Variants in ALG12 observed in about 807,000 individuals in gnomAD.
ALG12 encodes the protein ALG12 alpha-1,6-mannosyltransferase, also known as dol-P-Man:Man(7)GlcNAc(2)-PP-Dol alpha-1,6-mannosyltransferase.
A neutral mutation model predicts 46.0 loss-of-function variants in ALG12; 36 were observed. The ratio of observed to expected loss-of-function variants is 0.78; its 90% CI spans 0.60 to 1.03. The LOEUF is 1.03. ALG12 is among the 50% of genes least tolerant of loss of function. The pLI is 0.00. For synonymous variants in ALG12, 326 were observed against 291.6 expected, an observed-to-expected ratio of 1.12 and a Z score of -1.20; for missense variants, 599 against 633.5, an observed-to-expected ratio of 0.95 and a Z score of 0.58.
Position 49,910,605 on chromosome 22 carries a change from T to C in ALG12, c.298A>G (p.Arg100Gly), listed in dbSNP as rs750150667. The C allele has an allele frequency of 6.2e-7, 1 of 1,614,078 alleles. No individual in the cohort carries two copies. The highest frequency in any genetic ancestry group is 8.5e-7 in the Non-Finnish European group (1 of 1,180,040). ...MSKFYSQLIVRGVLGLGVIFG... is the reference protein window; with the variant it reads ...MSKFYSQLIVGGVLGLGVIFG... ...ATCACGCCGAGTCCAAGCACTCCTC[T>C]AACTAAACAAAGACAGTGACAGCAC... The change falls in exon 4 of 10, where the codon AGA (arginine) becomes GGA (glycine). Residue 100 changes from arginine (R) to glycine (G), a missense_variant and splice_region_variant. Transcript: ENST00000330817.
the ALG12 span, chr22:49,885,423 C>A: frequency 6.2e-7 from 1 of 1,608,782 alleles, no homozygotes; most frequent in Non-Finnish European, 8.5e-7. Flanking sequence ...GGACCATCAG[C>A]CGGGGGAAGA....
the ALG12 span, among the ~76,000 whole-genome samples, chr22:49,870,665 T>C: frequency 6.6e-6 from 1 of 152,170 alleles, no homozygotes; most frequent in African/African-American, 2.4e-5. Context: ...TGCTTTTTAA[T>C]GGGGTTATTT....
chr22:49,895,450 G>A (rs972013540), downstream of ALG12, among the ~76,000 whole-genome samples: 6 of 152,132 alleles, frequency 3.9e-5, no homozygotes, highest in South Asian at 2.1e-4. Context: ...TCAGGAGTTC[G>A]AGACCAGCCT....
the ALG12 span, chr22:49,887,402 C>T: frequency 3.8e-5 from 17 of 445,470 alleles, no homozygotes; most frequent in Non-Finnish European, 3.3e-5. Context: ...ATAGCTTGTC[C>T]TGTCAACTAT....
At chr22:49,866,668 G>A in the ALG12 span, among the ~76,000 whole-genome samples, 11 of 152,084 alleles carry the variant, frequency 7.2e-5, no homozygotes, top group Non-Finnish European at 1.5e-4. Context: ...AGCATATTTC[G>A]TTATCTGCAG....
chr22:49,885,627 C>A, the ALG12 span: 1 of 1,610,726 alleles, frequency 6.2e-7, no homozygotes, highest in Non-Finnish European at 8.5e-7. Context: ...ACCCAGTTGC[C>A]AAAAAAATCA....
At chr22:49,864,953 G>GCCCCGCCA in the ALG12 span, among the ~76,000 whole-genome samples, 13 of 9,120 alleles carry the variant, frequency 1.4e-3, 1 homozygote, top group Admixed American at 3.7e-3. Context: ...CCCCCCCCCC[G>GCCCCGCCA]TGAAGTCAGA....
At chr22:49,875,620 C>T in the ALG12 span, among the ~76,000 whole-genome samples, 1 of 151,944 alleles carries the variant, frequency 6.6e-6, no homozygotes, top group African/African-American at 2.4e-5. Context: ...AGGGTTTCAC[C>T]ATGTTGGCCA....
chr22:49,861,969 G>A, the ALG12 span, among the ~76,000 whole-genome samples: 1 of 152,190 alleles, frequency 6.6e-6, no homozygotes, highest in Non-Finnish European at 1.5e-5. Flanking sequence ...CCTGCACCCT[G>A]TCAGCACTGT....
At chr22:49,897,455 G>A (rs1435970058), downstream of ALG12, among the ~76,000 whole-genome samples, 4 of 152,154 alleles carry the variant, frequency 2.6e-5, no homozygotes, top group African/African-American at 9.7e-5. Flanking sequence ...CAATGAATGA[G>A]TTCCTGTTGC....
chr22:49,911,954 G>A (rs2060578966), intron 3 of ALG12, among the ~76,000 whole-genome samples: 1 of 138,308 alleles, frequency 7.2e-6, no homozygotes, highest in South Asian at 2.3e-4. Flanking sequence ...GCCCAACAAG[G>A]GTAGCCTCGG....
At chr22:49,908,875 C>T (rs564316845) in intron 6 of ALG12, among the ~76,000 whole-genome samples, 60 of 149,494 alleles carry the variant, frequency 4.0e-4, no homozygotes, top group African/African-American at 1.3e-3. Flanking sequence ...TTGCTTGAAC[C>T]AGGGAGGTGG....
chr22:49,886,804 A>G, the ALG12 span: 2 of 1,613,042 alleles, frequency 1.2e-6, no homozygotes, highest in African/African-American at 1.3e-5. The surrounding 1 kb of genome is among the most constrained non-coding windows in gnomAD (Gnocchi z 7.7). Context: ...TGCCTCCCAC[A>G]GGTGTGATGC....
chr22:49,884,344 T>A, the ALG12 span: 5 of 1,613,464 alleles, frequency 3.1e-6, no homozygotes, highest in Non-Finnish European at 4.2e-6. Context: ...GGAGTCTGTG[T>A]CTGTAGTTTC....
downstream of ALG12, among the ~76,000 whole-genome samples, chr22:49,895,247 T>A (rs2060479496): frequency 6.6e-6 from 1 of 152,224 alleles, no homozygotes; most frequent in Non-Finnish European, 1.5e-5. Context: ...AGTCTTCCCA[T>A]CCTCCTGCTC....
At chr22:49,877,503 G>A in the ALG12 span, among the ~76,000 whole-genome samples, 1 of 152,128 alleles carries the variant, frequency 6.6e-6, no homozygotes, top group South Asian at 2.1e-4. Context: ...TGTTGGCCAG[G>A]CTGGTCTTGA....
At chr22:49,909,714 G>A (rs952777889) in intron 5 of ALG12, among the ~76,000 whole-genome samples, 180 bp downstream of exon 5, 3 of 152,242 alleles carry the variant, frequency 2.0e-5, no homozygotes, top group Non-Finnish European at 2.9e-5. Flanking sequence ...CTCCTAAGGC[G>A]CACGGTGGGT....
rs2060533596 is a variant in ALG12 at position 49,904,665 on chromosome 22, G to A, written c.993-159C>T. On this transcript the variant is annotated intron_variant, in intron 7 of 9. Coordinates refer to ENST00000330817, the MANE Select transcript of ALG12 (RefSeq NM_024105.4). Reference sequence around the variant, plus strand: ...AACAGAGTCAGTAACCCGTAAAAGTGGTTAAGATACTGCCTCAAGAATTGT... The same window carrying A: ...AACAGAGTCAGTAACCCGTAAAAGTAGTTAAGATACTGCCTCAAGAATTGT... 2.0e-5 allele frequency: 16 copies of A among 799,272 alleles called. No homozygotes were observed. The South Asian group carries it at 2.2e-4, about 11-fold the overall frequency. The allele number at this position is 799,272 out of a possible 1,614,324, so 49.5% of individuals were successfully genotyped here.
At chr22:49,864,322 C>A in the ALG12 span, among the ~76,000 whole-genome samples, 1 of 152,356 alleles carries the variant, frequency 6.6e-6, no homozygotes, top group Admixed American at 6.5e-5. Flanking sequence ...ACATCACAAT[C>A]TCAAAATAAC....
Sources: allele counts gnomAD v4.1 joint callset (sites outside exome capture counted in the v4.1 genomes callset), GRCh38; gene constraint gnomAD v4.1.1; non-coding constraint Gnocchi (gnomAD v3.1); transcripts MANE v1.5; gene names NCBI Gene and HGNC (gene_info 2026-07-23, HGNC 2026-07-21).